Variants in COL28A1 observed in about 807,000 individuals in gnomAD.
COL28A1 encodes collagen alpha-1(XXVIII) chain.
COL28A1 carries 161 observed loss-of-function variants against 150.2 expected under a neutral mutation model. The observed-to-expected ratio is 1.07, with a 90% CI of 0.94 to 1.22. The LOEUF is 1.22. Among genes scored for constraint, COL28A1 ranks in the 50% most tolerant of loss-of-function variants. COL28A1 has a pLI of 0.00. For missense variants in COL28A1, 1,617 were observed against 1,388.3 expected (o/e 1.16, Z -2.62); for synonymous variants, 552 against 469.7 (o/e 1.18, Z -2.26).
chr7:7,516,010 T>C (rs571602202), intron 7 of COL28A1, among the ~76,000 whole-genome samples, 170 bp from the exon 8 acceptor site: 1 of 152,366 alleles, frequency 6.6e-6, no homozygotes, highest in East Asian at 1.9e-4. Flanking sequence ...TGGAGAAATA[T>C]ACATTTACTG....
chr7:7,480,121 C>T (rs998829122), intron 13 of COL28A1, among the ~76,000 whole-genome samples: 5 of 152,178 alleles, frequency 3.3e-5, no homozygotes, highest in Non-Finnish European at 7.4e-5. Context: ...AGACGCTTTT[C>T]TCCTCAAGCC....
At chr7:7,447,724 A>G (rs577627926) in intron 18 of COL28A1, among the ~76,000 whole-genome samples, 1 of 152,210 alleles carries the variant, frequency 6.6e-6, no homozygotes, top group Non-Finnish European at 1.5e-5. Flanking sequence ...ACAGAATTAA[A>G]AGCTGATTAG....
At chr7:7,440,188 G>C (rs1483027560) in intron 21 of COL28A1, among the ~76,000 whole-genome samples, 1 of 152,102 alleles carries the variant, frequency 6.6e-6, no homozygotes, top group Non-Finnish European at 1.5e-5. Context: ...CCAGGACATA[G>C]ATCCCCTACT....
chr7:7,520,605 C>T (rs979719477), intron 5 of COL28A1, among the ~76,000 whole-genome samples: 2 of 152,160 alleles, frequency 1.3e-5, no homozygotes, highest in Non-Finnish European at 2.9e-5. Context: ...GCTCTGTAAT[C>T]CTGTTCCAGA....
chr7:7,516,753 T>C (rs1055898160), intron 7 of COL28A1, among the ~76,000 whole-genome samples: 1 of 150,928 alleles, frequency 6.6e-6, no homozygotes, highest in Non-Finnish European at 1.5e-5. Context: ...ATTAATACTA[T>C]TATCTATTTA....
At position 7,373,122 on chromosome 7, in the gene COL28A1, C is replaced by T; in HGVS notation, c.2784G>A (p.Glu928=). ...TCTTCACCACCCCTATCACAAATAT[C>T]TCCACATTGGTGTCACTGGCATTCT... ...VVKNASDTNV[E]IFVIGVVKKN... Residue 928 remains glutamate (E), a synonymous_variant, in exon 32 of 35, where the codon GAG becomes GAA. Transcript: ENST00000399429. This position sits in a 1 kb window ranked among gnomAD's most constrained non-coding sequence, Gnocchi z 4.1. 1 of 1,614,202 alleles carries T rather than the reference C, an allele frequency of 6.2e-7. No individual in the cohort carries two copies. The highest frequency in any genetic ancestry group is 2.2e-5 in the East Asian group (1 of 44,880).
At position 7,369,564 on chromosome 7, in the gene COL28A1, T is replaced by G. The variant is rs190799310; in HGVS notation, c.3066+1161A>C. Among the ~76,000 whole-genome samples, 4 of 152,360 alleles carry G rather than the reference T, an allele frequency of 2.6e-5. No individual in the cohort carries two copies. The South Asian group carries it at 8.3e-4, about 32-fold the overall frequency. On this transcript the variant is annotated intron_variant, in intron 33 of 34. Transcript: ENST00000399429. ...TCAATCTGCAATTTAGTAGAATCTATTGCCCTGACTGGAATTACCCATTTT... is the reference window on the plus strand; with the variant it reads ...TCAATCTGCAATTTAGTAGAATCTAGTGCCCTGACTGGAATTACCCATTTT...
intron 11 of COL28A1, among the ~76,000 whole-genome samples, chr7:7,497,094 AAAGGAAGGAAGG>A (rs141012538): frequency 0.013 from 1,564 of 123,838 alleles, 36 homozygotes; most frequent in African/African-American, 0.05. Context: ...AGGAAGGAAG[AAAGGAAGGAAGG>A]AAGGAAGGAA....
chr7:7,362,273 G>A (rs1039049771), intron 33 of COL28A1, among the ~76,000 whole-genome samples: 10 of 133,256 alleles, frequency 7.5e-5, no homozygotes, highest in African/African-American at 2.8e-4. Flanking sequence ...TTTTTCCTTG[G>A]ATTCCAGCTG....
At chr7:7,405,483 A>G (rs1435270579) in intron 27 of COL28A1, among the ~76,000 whole-genome samples, 1 of 152,210 alleles carries the variant, frequency 6.6e-6, no homozygotes, top group African/African-American at 2.4e-5. Flanking sequence ...TTGGAAGACT[A>G]GTATTCTAAT....
intron 26 of COL28A1, 32 bp downstream of exon 26, chr7:7,419,853 C>T (rs372121695): frequency 6.9e-6 from 10 of 1,442,170 alleles, no homozygotes; most frequent in Non-Finnish European, 9.4e-6. Context: ...TGATATCTGA[C>T]CCTCACACAA....
At chr7:7,526,423 T>C (rs1391068882) in intron 3 of COL28A1, among the ~76,000 whole-genome samples, 2 of 152,250 alleles carry the variant, frequency 1.3e-5, no homozygotes, top group East Asian at 3.8e-4. Context: ...CAATATGATC[T>C]GATTTATTAA....
intron 3 of COL28A1, 41 bp downstream of exon 3, chr7:7,531,307 A>AG: frequency 1.3e-6 from 1 of 796,224 alleles, no homozygotes; most frequent in South Asian, 1.8e-5. Context: ...ATATGTCAAT[A>AG]TTATGATGAT....
intron 13 of COL28A1, among the ~76,000 whole-genome samples, chr7:7,484,766 A>G (rs556627523): frequency 6.6e-6 from 1 of 152,292 alleles, no homozygotes; most frequent in East Asian, 1.9e-4. Context: ...TAAAGAAAAT[A>G]TGGTATATAT....
At chr7:7,403,330 G>A (rs1783320708) in intron 27 of COL28A1, among the ~76,000 whole-genome samples, 2 of 152,194 alleles carry the variant, frequency 1.3e-5, no homozygotes, top group South Asian at 4.1e-4. Flanking sequence ...TAGATCATAT[G>A]TGTATACTAG....
chr7:7,425,729 T>C (rs2128310974), intron 25 of COL28A1, among the ~76,000 whole-genome samples: 1 of 152,326 alleles, frequency 6.6e-6, no homozygotes, highest in South Asian at 2.1e-4. Context: ...ATTAGTCTAT[T>C]AATTTATCAT....
chr7:7,444,617 C>T lies in COL28A1; in HGVS notation c.1510-128G>A, dbSNP rs190868899. On this transcript the variant is annotated intron_variant, in intron 18 of 34. Transcript: ENST00000399429. ...AATCTCATTAGCAATTAATACTAAA[C>T]TATTTGATCTTGGGAAGCTACTTAA... 1.2e-4 allele frequency: 99 copies of T among 847,712 alleles called. No individual in the cohort carries two copies. In the African/African-American group the frequency reaches 1.4e-3, roughly 12 times the overall value. 52.5% of individuals were successfully genotyped at this position (847,712 alleles called of 1,614,324 possible).
rs1782447859 is a variant in COL28A1, at chr7:7,532,847, A to C, written c.29T>G (p.Leu10Arg). Residue 10 changes from leucine (L) to arginine (R), a missense_variant, in exon 2 of 35, where the codon CTC (leucine) becomes CGC (arginine). Coordinates refer to ENST00000399429, the MANE Select transcript of COL28A1 (RefSeq NM_001037763.3). The part of the protein sequence containing the change: MWNRYFVFY[L>R]LLLSAFTSQT... ...ACTCGTAAACGCTGACAAAAGCAGGAGATAGAAGACAAAATATCTGTTCCA... is the reference window on the plus strand; with the variant it reads ...ACTCGTAAACGCTGACAAAAGCAGGCGATAGAAGACAAAATATCTGTTCCA... 1 of 1,611,510 alleles carries C rather than the reference A, an allele frequency of 6.2e-7. No individual in the cohort carries two copies. The highest frequency in any genetic ancestry group is 1.3e-5 in the African/African-American group (1 of 74,772).
At chr7:7,493,020 TA>T (rs1186070208) in intron 11 of COL28A1, among the ~76,000 whole-genome samples, 1 of 147,308 alleles carries the variant, frequency 6.8e-6, no homozygotes, top group Non-Finnish European at 1.5e-5. Flanking sequence ...ATAACAGGTA[TA>T]TATAATGTTA....
Sources: allele counts gnomAD v4.1 joint callset (sites outside exome capture counted in the v4.1 genomes callset), GRCh38; gene constraint gnomAD v4.1.1; non-coding constraint Gnocchi (gnomAD v3.1); transcripts MANE v1.5; gene names NCBI Gene and HGNC (gene_info 2026-07-23, HGNC 2026-07-21).